Variants in THSD7B observed in about 807,000 individuals in gnomAD.
The protein encoded by THSD7B is thrombospondin type-1 domain-containing protein 7B.
In THSD7B, 138 loss-of-function variants were observed where a neutral mutation model predicts 213.6. That is an observed-to-expected ratio of 0.65 (90% CI 0.56 to 0.74). The LOEUF (loss-of-function observed/expected upper bound fraction) is 0.74. THSD7B is among the 30% of genes least tolerant of loss of function. The pLI, the probability that THSD7B is intolerant of heterozygous loss-of-function variation, is 0.00. For missense variants in THSD7B, 1,931 were observed against 1,991.5 expected (o/e 0.97, Z 0.58); for synonymous variants, 742 against 687.0 (o/e 1.08, Z -1.25).
intron 2 of THSD7B, among the ~76,000 whole-genome samples, chr2:136,913,186 G>A (rs190035911): frequency 1.3e-5 from 2 of 152,288 alleles, no homozygotes; most frequent in East Asian, 1.9e-4. Flanking sequence ...AGAGACTATC[G>A]GCATTTTGCC....
intron 5 of THSD7B, among the ~76,000 whole-genome samples, chr2:137,158,975 T>G (rs533343201): frequency 2.0e-5 from 3 of 152,180 alleles, no homozygotes; most frequent in African/African-American, 7.2e-5. Context: ...GCCTTCCTAG[T>G]TTAGGGTCTC....
At chr2:137,273,989 T>G (rs770696670) in intron 11 of THSD7B, among the ~76,000 whole-genome samples, 2 of 152,116 alleles carry the variant, frequency 1.3e-5, no homozygotes, top group Non-Finnish European at 2.9e-5. Context: ...ATCTTCCATT[T>G]CTTTGTCCAC....
chr2:137,276,250 A>C (rs924035800), intron 12 of THSD7B, among the ~76,000 whole-genome samples: 2 of 152,092 alleles, frequency 1.3e-5, no homozygotes, highest in African/African-American at 4.8e-5. Context: ...AAAGCAATAT[A>C]AGCAAATATC....
At chr2:137,626,435 G>A (rs1270393986) in intron 20 of THSD7B, among the ~76,000 whole-genome samples, 6 of 144,402 alleles carry the variant, frequency 4.2e-5, no homozygotes, top group African/African-American at 1.3e-4. Context: ...CTGCAGTAGC[G>A]CCTGGGCAAA....
chr2:137,196,713 G>A (rs777373471), intron 7 of THSD7B, among the ~76,000 whole-genome samples: 1 of 151,988 alleles, frequency 6.6e-6, no homozygotes, highest in Non-Finnish European at 1.5e-5. Flanking sequence ...TAAAAATATT[G>A]TATACAATTA....
intron 15 of THSD7B, among the ~76,000 whole-genome samples, chr2:137,519,106 G>T (rs1680130516): frequency 6.6e-6 from 1 of 152,088 alleles, no homozygotes; most frequent in Admixed American, 6.6e-5. Context: ...AATTAGCCGG[G>T]AGTGGTGTGG....
rs529726099 is a variant in THSD7B, at chr2:137,289,422, G to A, written c.2500+13396G>A. Among the ~76,000 whole-genome samples the A allele has an allele frequency of 1.3e-4, 20 of 152,030 alleles. No individual in the cohort carries two copies. In the East Asian group the frequency reaches 3.3e-3, roughly 25 times the overall value. The stretch of plus-strand genomic sequence containing the variant: ...TCTCAAACTCATTTGCCTGTAGACT[G>A]TTTATCATGAAATACCACCTAAGAT... On this transcript the variant is annotated intron_variant, in intron 12 of 27. Transcript: ENST00000409968.
intron 15 of THSD7B, among the ~76,000 whole-genome samples, chr2:137,463,990 C>A (rs1380064484): frequency 6.6e-6 from 1 of 152,014 alleles, no homozygotes; most frequent in African/African-American, 2.4e-5. Context: ...TCTGTGTAAT[C>A]AGAGTTGTAG....
At chr2:137,135,775 CA>C (rs1679442654) in intron 5 of THSD7B, among the ~76,000 whole-genome samples, 1 of 151,766 alleles carries the variant, frequency 6.6e-6, no homozygotes, top group Non-Finnish European at 1.5e-5. Flanking sequence ...TTCACTCACA[CA>C]ATGATTTGAT....
chr2:137,539,325 A>G (rs1256043826), intron 15 of THSD7B, among the ~76,000 whole-genome samples: 3 of 151,640 alleles, frequency 2.0e-5, no homozygotes, highest in Non-Finnish European at 3.0e-5. Context: ...AGAAAGGAAA[A>G]TCAAATGGCT....
chr2:137,599,606 T>C (rs1682037068), intron 17 of THSD7B, among the ~76,000 whole-genome samples: 1 of 151,700 alleles, frequency 6.6e-6, no homozygotes, highest in Non-Finnish European at 1.5e-5. Flanking sequence ...GAACTAGAAA[T>C]ACCATTTGAC....
intron 2 of THSD7B, among the ~76,000 whole-genome samples, chr2:136,890,377 C>CTTT (rs1491403615): frequency 6.8e-4 from 1 of 1,466 alleles, no homozygotes; most frequent in African/African-American, 2.2e-3. Flanking sequence ...CTTCTTCTTC[C>CTTT]TCTTCCTCTT....
chr2:136,932,175 T>G (rs1217404521), intron 2 of THSD7B, among the ~76,000 whole-genome samples: 1 of 151,950 alleles, frequency 6.6e-6, no homozygotes, highest in Non-Finnish European at 1.5e-5. Flanking sequence ...AAACCTAAAC[T>G]CAACAGTCAA....
At chr2:137,662,375 G>C (rs1003119874) in intron 25 of THSD7B, among the ~76,000 whole-genome samples, 1 of 150,864 alleles carries the variant, frequency 6.6e-6, no homozygotes, top group Non-Finnish European at 1.5e-5. Flanking sequence ...GAGCCACAGC[G>C]CCCGGCCAGG....
At chr2:137,240,045 T>C (rs1308246241) in intron 9 of THSD7B, among the ~76,000 whole-genome samples, 1 of 152,210 alleles carries the variant, frequency 6.6e-6, no homozygotes, top group Non-Finnish European at 1.5e-5. Flanking sequence ...TCCTAAAGGC[T>C]CCACCATCCG....
chr2:137,218,319 ATGAT>A (rs1681293078), intron 7 of THSD7B, among the ~76,000 whole-genome samples: 1 of 152,126 alleles, frequency 6.6e-6, no homozygotes, highest in Admixed American at 6.5e-5. Context: ...GAATTTGACA[ATGAT>A]ATAAAGTGAT....
intron 1 of THSD7B, among the ~76,000 whole-genome samples, chr2:136,793,894 C>T (rs1682012995): frequency 6.6e-6 from 1 of 151,478 alleles, no homozygotes; most frequent in Non-Finnish European, 1.5e-5. Context: ...ATTTGTAAAG[C>T]CTTCTGGGCT....
chr2:137,150,932 T>C (rs1679807574), intron 5 of THSD7B, among the ~76,000 whole-genome samples: 1 of 152,080 alleles, frequency 6.6e-6, no homozygotes, highest in Admixed American at 6.5e-5. Context: ...ACAGTAAAAA[T>C]ACAGTGTAAA....
intron 10 of THSD7B, among the ~76,000 whole-genome samples, chr2:137,272,242 C>G (rs910197051): frequency 6.6e-6 from 1 of 151,972 alleles, no homozygotes; most frequent in South Asian, 2.1e-4. Context: ...GGGGCCCCTT[C>G]GATCATGCCA....
Sources: allele counts gnomAD v4.1 joint callset (sites outside exome capture counted in the v4.1 genomes callset), GRCh38; gene constraint gnomAD v4.1.1; transcripts MANE v1.5; gene names NCBI Gene and HGNC (gene_info 2026-07-23, HGNC 2026-07-21).